SLC25A35: variants seen among roughly 807,000 people sequenced by gnomAD.
The protein encoded by SLC25A35 is solute carrier family 25 member 35.
SLC25A35 carries 32 observed loss-of-function variants against 30.5 expected under a neutral mutation model. The ratio of observed to expected loss-of-function variants is 1.05; its 90% CI spans 0.79 to 1.41. SLC25A35 has a LOEUF of 1.41. SLC25A35 is among the 40% of genes most tolerant of loss of function. The probability of loss-of-function intolerance (pLI) is 0.00; values close to 1 mark genes in which losing one functional copy is unlikely to be tolerated. For missense variants in SLC25A35, 369 were observed against 388.0 expected, an observed-to-expected ratio of 0.95 and a Z score of 0.41; for synonymous variants, 142 against 158.1, an observed-to-expected ratio of 0.90 and a Z score of 0.77.
chr17:8,295,370 G>C lies in SLC25A35; in HGVS notation c.-563C>G, dbSNP rs1990787661. The C allele has an allele frequency of 7.1e-6, 7 of 985,510 alleles. No individual in the cohort carries two copies. The highest frequency in any genetic ancestry group is 8.4e-6 in the Non-Finnish European group (7 of 830,100). The allele number at this position is 985,510 out of a possible 1,614,324, so 61.0% of individuals were successfully genotyped here. On this transcript the variant is annotated 5_prime_UTR_variant, in exon 1 of 5. Coordinates refer to ENST00000577745, the MANE Select transcript of SLC25A35 (RefSeq NM_001320870.2). ...CAGTAGCTTCAACCCCGGGTAGCCT[G>C]CGGAGGCCGGGCCGCCACACTCCTG...
In SLC25A35 at chr17:8,294,654, T is replaced by A; in HGVS notation, c.154A>T (p.Thr52Ser). The A allele has an allele frequency of 6.2e-7, 1 of 1,614,002 alleles. No homozygotes were observed. Among genetic ancestry groups the A allele is most frequent in the Non-Finnish European group, 8.5e-7 (1 of 1,179,996 alleles). ...HYRNVFHAFI[T>S]IGKVDGLAAL... ...GCAAGGCCATCCACCTTGCCGATGGTGATGAAGGCATGGAAGACATTTCGG... is the reference window on the plus strand; with the variant it reads ...GCAAGGCCATCCACCTTGCCGATGGAGATGAAGGCATGGAAGACATTTCGG... Residue 52 changes from threonine (T) to serine (S), a missense_variant, in exon 1 of 5, where the codon ACC (threonine) becomes TCC (serine). Thr to Ser is a moderately conservative substitution (Grantham distance 58, BLOSUM62 1). Coordinates refer to ENST00000577745, the MANE Select transcript of SLC25A35 (RefSeq NM_001320870.2).
chr17:8,289,120 C>A (rs781291944), downstream of SLC25A35: 2 of 1,605,466 alleles, frequency 1.2e-6, no homozygotes, highest in East Asian at 4.5e-5. Flanking sequence ...GGGGTCGGAC[C>A]AGTGGGCGGG....
chr17:8,294,482 C>A lies in SLC25A35; in HGVS notation c.326G>T (p.Gly109Val). ...THSPARSAAA[G>V]AMAGVMGAYL... Reference sequence around the variant, plus strand: ...GGCTCCCATGACCCCAGCCATGGCCCCAGCTGCTGCGCTGCGGGCAGGACT... The same window carrying A: ...GGCTCCCATGACCCCAGCCATGGCCACAGCTGCTGCGCTGCGGGCAGGACT... The change falls in exon 1 of 5, where the codon GGG (glycine) becomes GTG (valine). Residue 109 changes from glycine (G) to valine (V), a missense_variant. Transcript: ENST00000577745. 1 of 1,608,930 alleles carries A rather than the reference C, an allele frequency of 6.2e-7. No homozygotes were observed. The highest frequency in any genetic ancestry group is 1.1e-5 in the South Asian group (1 of 90,820).
downstream of SLC25A35, chr17:8,288,736 C>G (rs948636608): frequency 1.1e-5 from 17 of 1,591,772 alleles, no homozygotes; most frequent in African/African-American, 2.1e-4. Flanking sequence ...CCACGTGACC[C>G]AATGTGGACT....
In SLC25A35 at chr17:8,294,657, T is replaced by C. The variant is rs766268619; in HGVS notation, c.151A>G (p.Ile51Val). Reference protein sequence around the residue: ...RHYRNVFHAFITIGKVDGLAA... With the variant: ...RHYRNVFHAFVTIGKVDGLAA... Reference sequence around the variant, plus strand: ...AGGCCATCCACCTTGCCGATGGTGATGAAGGCATGGAAGACATTTCGGTAG... The same window carrying C: ...AGGCCATCCACCTTGCCGATGGTGACGAAGGCATGGAAGACATTTCGGTAG... The change falls in exon 1 of 5, where the codon ATC becomes GTC. Residue 51 changes from isoleucine to valine, a missense_variant. By Grantham distance (29) the Ile-to-Val change is conservative. Transcript: ENST00000577745. 5.0e-6 allele frequency: 8 copies of C among 1,614,114 alleles called. No individual in the cohort carries two copies. The highest frequency in any genetic ancestry group is 6.8e-6 in the Non-Finnish European group (8 of 1,180,024).
Position 8,290,505 on chromosome 17 carries a change from T to C in SLC25A35, c.903A>G (p.Ter301=). 6.5e-7 allele frequency: 1 copy of C among 1,535,678 alleles called. No homozygotes were observed. Among genetic ancestry groups the C allele is most frequent in the Non-Finnish European group, 8.7e-7 (1 of 1,146,672 alleles). The change falls in exon 5 of 5, where the codon TAA becomes TAG. Residue 301 remains the stop codon, a stop_retained_variant. Transcript: ENST00000577745. ...LRSLYYTDTK[*] ...TTGGTGGAGACTGGGAAAGCGGCTG[T>C]TATTTAGTGTCTGTGTAGTAGAGGG...
At chr17:8,291,055 A>G (rs1219660128) in intron 3 of SLC25A35, 79 bp from the exon 4 acceptor site, 3 of 1,560,168 alleles carry the variant, frequency 1.9e-6, no homozygotes, top group African/African-American at 2.7e-5. Flanking sequence ...TGCCCTGGGG[A>G]CACAGATGCT....
chr17:8,289,892 A>G, downstream of SLC25A35: 1 of 1,614,116 alleles, frequency 6.2e-7, no homozygotes, highest in South Asian at 1.1e-5. Context: ...ACAGCTGGTG[A>G]CCAGTCTGAC....
rs781415893 is a variant in SLC25A35 at position 8,291,472 on chromosome 17, G to A, written c.455C>T (p.Ala152Val). Residue 152 changes from alanine (A) to valine (V), a missense_variant, in exon 3 of 5, where the codon GCG becomes GTG. Coordinates refer to ENST00000577745, the MANE Select transcript of SLC25A35 (RefSeq NM_001320870.2). ...ATGTTTCTGGCCAATCTCGGTTAGCGCCTGAAACATGCCCTAGTGTGGGGA... is the reference window on the plus strand; with the variant it reads ...ATGTTTCTGGCCAATCTCGGTTAGCACCTGAAACATGCCCTAGTGTGGGGA... ...HQYKHQGMFQ[A>V]LTEIGQKHGL... 2.8e-5 allele frequency: 45 copies of A among 1,613,584 alleles called. No individual in the cohort carries two copies. The highest frequency in any genetic ancestry group is 1.3e-4 in the South Asian group (12 of 90,988).
chr17:8,290,865 G>A lies in SLC25A35; in HGVS notation c.706C>T (p.Gln236Ter), dbSNP rs370240895. 2.5e-6 allele frequency: 4 copies of A among 1,613,930 alleles called. No individual in the cohort carries two copies. Among genetic ancestry groups the A allele is most frequent in the Non-Finnish European group, 2.5e-6 (3 of 1,179,940 alleles). Residue 236 changes from glutamine (Q) to a stop codon, truncating the protein, a stop_gained, in exon 4 of 5, where the codon CAG becomes TAG. Coordinates refer to ENST00000577745, the MANE Select transcript of SLC25A35 (RefSeq NM_001320870.2). LOFTEE classifies it high-confidence loss of function. The part of the protein sequence containing the change: ...FDVACTRLYN[Q>*]PTDAQGKGLM... ...ACCTTGCCCTGTGCATCTGTGGGCT[G>A]GTTGTAGAGCCTTGTGCAGGCCACA...
chr17:8,289,585 C>T (rs201882524), downstream of SLC25A35: 80 of 1,611,852 alleles, frequency 5.0e-5, no homozygotes, highest in African/African-American at 6.7e-5. Flanking sequence ...TTCAATCAGC[C>T]CCCGTAAGGA....
downstream of SLC25A35, chr17:8,288,639 G>A: frequency 3.3e-6 from 3 of 904,840 alleles, no homozygotes; most frequent in East Asian, 7.8e-5. Flanking sequence ...GCCAACGAGA[G>A]CGCAGGGCGG....
chr17:8,290,755 G>C, intron 4 of SLC25A35, 77 bp from the exon 5 acceptor site: 1 of 1,602,668 alleles, frequency 6.2e-7, no homozygotes, highest in Non-Finnish European at 8.5e-7. Flanking sequence ...CACCTCTACA[G>C]GCTGCATTTC....
Position 8,294,353 on chromosome 17 carries a change from C to T in SLC25A35, c.375+80G>A, listed in dbSNP as rs140987561. The T allele has an allele frequency of 7.5e-4, 1,096 of 1,455,074 alleles. 13 individuals carry two copies. The African/African-American group carries it at 0.013, about 17-fold the overall frequency. 90.1% of individuals were successfully genotyped at this position (1,455,074 alleles called of 1,614,324 possible). A position where few individuals can be genotyped will look rare whatever the true frequency, so the allele number is the denominator to read the frequency against. Reference sequence around the variant, plus strand: ...TTGCAGTGGGGCAGCACTCTGCCACCTATGCCCTTGGGAAAGAACAGCTCC... The same window carrying T: ...TTGCAGTGGGGCAGCACTCTGCCACTTATGCCCTTGGGAAAGAACAGCTCC... On this transcript the variant is annotated intron_variant, in intron 1 of 4. Coordinates refer to ENST00000577745, the MANE Select transcript of SLC25A35 (RefSeq NM_001320870.2).
At position 8,294,509 on chromosome 17, in the gene SLC25A35, T is replaced by C. The variant is rs772460215; in HGVS notation, c.299A>G (p.His100Arg). ...AGCTGCTGCGCTGCGGGCAGGACTGTGGGTGCCTTCGGCTGTGTGCAGGTA... is the reference window on the plus strand; with the variant it reads ...AGCTGCTGCGCTGCGGGCAGGACTGCGGGTGCCTTCGGCTGTGTGCAGGTA... ...GGYLHTAEGT[H>R]SPARSAAAGA... The change falls in exon 1 of 5, where the codon CAC becomes CGC. Residue 100 changes from histidine (H) to arginine (R), a missense_variant. Physicochemically the swap from His to Arg is conservative, Grantham distance 29. Transcript: ENST00000577745. 1 of 1,613,612 alleles carries C rather than the reference T, an allele frequency of 6.2e-7. No homozygotes were observed.
At chr17:8,288,479 A>G, downstream of SLC25A35, 2 of 474,126 alleles carry the variant, frequency 4.2e-6, no homozygotes, top group Non-Finnish European at 7.8e-6. Context: ...GGCTGGCGGG[A>G]GCATGCTCGT....
chr17:8,294,790 A>T lies in SLC25A35; in HGVS notation c.18T>A (p.Ser6Arg), dbSNP rs755275228. The part of the protein sequence containing the change: MDFLM[S>R]GLAACGACVF... Reference sequence around the variant, plus strand: ...CACAGGCCCCGCAGGCTGCCAGGCCACTCATCAAGAAGTCCATGGTGGGAT... The same window carrying T: ...CACAGGCCCCGCAGGCTGCCAGGCCTCTCATCAAGAAGTCCATGGTGGGAT... Residue 6 changes from serine to arginine, a missense_variant, in exon 1 of 5, where the codon AGT becomes AGA. Physicochemically the swap from Ser to Arg is moderately radical, Grantham distance 110 (BLOSUM62 -1). Coordinates refer to ENST00000577745, the MANE Select transcript of SLC25A35 (RefSeq NM_001320870.2). 1 of 1,586,548 alleles carries T rather than the reference A, an allele frequency of 6.3e-7. No homozygotes were observed. Among genetic ancestry groups the T allele is most frequent in the Non-Finnish European group, 8.6e-7 (1 of 1,163,384 alleles).
downstream of SLC25A35, chr17:8,289,430 T>C: frequency 6.2e-7 from 1 of 1,613,204 alleles, no homozygotes; most frequent in Non-Finnish European, 8.5e-7. Flanking sequence ...GGCCCGAGAG[T>C]GTGTAATGTC....
Position 8,294,627 on chromosome 17 carries a change from C to A in SLC25A35, c.181G>T (p.Ala61Ser). The part of the protein sequence containing the change: ...ITIGKVDGLA[A>S]LQKGLAPALL... ...GCGGGGGCCAGGCCTTTCTGCAGGG[C>A]AGCAAGGCCATCCACCTTGCCGATG... is the stretch of plus-strand genomic sequence containing the variant. Residue 61 changes from alanine (A) to serine (S), a missense_variant, in exon 1 of 5, where the codon GCC becomes TCC. Ala to Ser is a moderately conservative substitution (Grantham distance 99). Coordinates refer to ENST00000577745, the MANE Select transcript of SLC25A35 (RefSeq NM_001320870.2). The A allele has an allele frequency of 6.2e-7, 1 of 1,614,168 alleles. No homozygotes were observed. The highest frequency in any genetic ancestry group is 8.5e-7 in the Non-Finnish European group (1 of 1,180,042).
Sources: gnomAD v4.1 joint callset for allele counts on GRCh38, gnomAD v4.1.1 for gene constraint, MANE v1.5 for transcripts, NCBI Gene and HGNC (gene_info 2026-07-23, HGNC 2026-07-21) for gene names.